Variants in NOMO1 observed in about 807,000 individuals in gnomAD.
The protein encoded by NOMO1 is NODAL modulator 1.
NOMO1 carries 40 observed loss-of-function variants against 133.8 expected under a neutral mutation model. The observed-to-expected ratio is 0.30, with a 90% CI of 0.23 to 0.39. The LOEUF (loss-of-function observed/expected upper bound fraction) is 0.39, where lower values mean the gene tolerates loss of function less well. Among genes scored for constraint, NOMO1 ranks in the 10% least tolerant of loss-of-function variants. The pLI, the probability that NOMO1 is intolerant of heterozygous loss-of-function variation, is 1.00. For missense variants in NOMO1, 462 were observed against 1,419.9 expected (o/e 0.33, Z 10.84); for synonymous variants, 236 against 570.5 (o/e 0.41, Z 8.36).
At chr16:14,895,117 TGGC>T (rs777473464) in intron 30 of NOMO1, 27 bp downstream of exon 30, 2 of 1,583,300 alleles carry the variant, frequency 1.3e-6, no homozygotes, top group African/African-American at 2.8e-5. Context: ...CCTCAGGAGA[TGGC>T]GGGCATGTCA....
intron 18 of NOMO1, among the ~76,000 whole-genome samples, chr16:14,874,795 G>T (rs537742710): frequency 6.6e-6 from 1 of 151,844 alleles, no homozygotes; most frequent in Non-Finnish European, 1.5e-5. Context: ...ATATCCAGTC[G>T]CCATAAAATC....
At chr16:14,836,830 C>T (rs576735638) in intron 1 of NOMO1, among the ~76,000 whole-genome samples, 3 of 150,938 alleles carry the variant, frequency 2.0e-5, no homozygotes, top group Middle Eastern at 3.4e-3. Context: ...CTCAGCCTCC[C>T]GAGTAGCTGG....
chr16:14,873,296 C>A (rs1335477142), intron 18 of NOMO1, among the ~76,000 whole-genome samples: 3 of 127,328 alleles, frequency 2.4e-5, no homozygotes, highest in Non-Finnish European at 5.5e-5. Flanking sequence ...TGACATTTTT[C>A]TTCCTGAAAG....
intron 18 of NOMO1, 69 bp from the exon 19 acceptor site, chr16:14,874,967 G>C: frequency 6.2e-7 from 1 of 1,606,594 alleles, no homozygotes. Context: ...GTCCATACTC[G>C]TAGAAAGGTC....
At position 14,884,389 on chromosome 16, in the gene NOMO1, C is replaced by T. The variant is rs749375913; in HGVS notation, c.3129C>T (p.Ile1043=). Residue 1043 remains isoleucine, a synonymous_variant, in exon 27 of 31, where the codon ATC becomes ATT. Coordinates refer to ENST00000287667, the MANE Select transcript of NOMO1 (RefSeq NM_014287.4). The part of the protein sequence containing the change: ...HRVIEVGNND[I]DDVNIIVFRQ... The stretch of plus-strand genomic sequence containing the variant: ...CTCTCTAGGTTGGGAATAATGACAT[C>T]GATGATGTAAACATCATAGTTTTCC... The T allele has an allele frequency of 3.9e-5, 62 of 1,608,254 alleles. 3 individuals carry two copies. The South Asian group carries it at 6.6e-4, about 17-fold the overall frequency.
In NOMO1 at chr16:14,875,108, G is replaced by A; in HGVS notation, c.2127G>A (p.Gln709=). The A allele has an allele frequency of 6.2e-7, 1 of 1,613,844 alleles. No homozygotes were observed. Among genetic ancestry groups the A allele is most frequent in the Non-Finnish European group, 8.5e-7 (1 of 1,179,840 alleles). Residue 709 remains glutamine, a synonymous_variant, in exon 19 of 31, where the codon CAG becomes CAA. Coordinates refer to ENST00000287667, the MANE Select transcript of NOMO1 (RefSeq NM_014287.4). The part of the protein sequence containing the change: ...LKSVQELRRE[Q]QLAEIEARRQ... ...CTGTGCAGGAGCTGCGGAGGGAGCA[G>A]CAGCTGGCTGAGATCGAGGCCCGCA...
chr16:14,853,499 T>G lies in NOMO1; in HGVS notation c.768T>G (p.Pro256=), dbSNP rs1318283733. The G allele has an allele frequency of 6.3e-7, 1 of 1,595,494 alleles. No homozygotes were observed. The highest frequency in any genetic ancestry group is 1.7e-5 in the Admixed American group (1 of 58,154). ...TGGGCTGCAATGTCTCACCAGTGCC[T>G]GGGTTCCAGCCCCAAGACGAGAGTC... The part of the protein sequence containing the change: ...DVLGCNVSPV[P]GFQPQDESLV... Residue 256 remains proline (P), a synonymous_variant, in exon 8 of 31, where the codon CCT becomes CCG. Transcript: ENST00000287667.
In NOMO1 at chr16:14,885,827, T is replaced by G. The variant is rs569893692; in HGVS notation, c.3223-934T>G. ...CCAGTTTTCCGGAGAAGCTGGAAAT[T>G]AGAATTATTTGAAATCACCTGATTT... On this transcript the variant is annotated intron_variant, in intron 27 of 30. Transcript: ENST00000287667. 3.1e-3 allele frequency among the ~76,000 whole-genome samples: 470 copies of G among 151,948 alleles called. 1 individual carries two copies. Among genetic ancestry groups the G allele is most frequent in the African/African-American group, 0.011 (440 of 41,340 alleles).
intron 28 of NOMO1, among the ~76,000 whole-genome samples, chr16:14,887,297 C>CTT (rs926466954): frequency 6.8e-6 from 1 of 146,034 alleles, no homozygotes. Context: ...TCAAATCTTT[C>CTT]TTTTTTTTTT....
At chr16:14,837,077 G>T (rs1332422071) in intron 1 of NOMO1, among the ~76,000 whole-genome samples, 1 of 151,738 alleles carries the variant, frequency 6.6e-6, no homozygotes, top group African/African-American at 2.4e-5. Context: ...GAGTATAGTG[G>T]CACCATCATA....
At chr16:14,858,542 C>T (rs1048340937) in intron 11 of NOMO1, among the ~76,000 whole-genome samples, 10 of 151,624 alleles carry the variant, frequency 6.6e-5, no homozygotes, top group African/African-American at 1.2e-4. Flanking sequence ...TTGGGAGAAG[C>T]GCGGCATGAG....
At chr16:14,876,557 G>A (rs372452504) in intron 21 of NOMO1, 39 bp downstream of exon 21, 10 of 1,611,438 alleles carry the variant, frequency 6.2e-6, no homozygotes, top group Admixed American at 1.7e-5. Context: ...TGGGATCAGC[G>A]TGGGAGTCCT....
At chr16:14,882,556 C>G (rs1597113533) in intron 25 of NOMO1, 38 bp from the exon 26 acceptor site, 1 of 1,611,282 alleles carries the variant, frequency 6.2e-7, no homozygotes, top group Non-Finnish European at 8.5e-7. Context: ...TACGACAAGC[C>G]CCCTTTCTAG....
At chr16:14,879,115 C>T (rs1354915407) in intron 23 of NOMO1, among the ~76,000 whole-genome samples, 42 of 151,938 alleles carry the variant, frequency 2.8e-4, no homozygotes, top group African/African-American at 8.7e-4. Context: ...CTCTCTTAGG[C>T]ATCTTCTCGT....
chr16:14,865,252 C>G, intron 14 of NOMO1, 97 bp downstream of exon 14: 1 of 621,784 alleles, frequency 1.6e-6, no homozygotes, highest in Non-Finnish European at 2.9e-6. Flanking sequence ...CGACCATGTA[C>G]CTTTCCTTGT....
At chr16:14,891,368 T>C (rs1964402901) in intron 29 of NOMO1, among the ~76,000 whole-genome samples, 4 of 151,550 alleles carry the variant, frequency 2.6e-5, no homozygotes, top group African/African-American at 7.3e-5. Context: ...TAATGTTTGT[T>C]GTACATATTT....
intron 9 of NOMO1, among the ~76,000 whole-genome samples, chr16:14,855,355 G>T (rs1196679154): frequency 6.6e-6 from 1 of 150,804 alleles, no homozygotes; most frequent in African/African-American, 2.5e-5. Flanking sequence ...GTAGAAAATG[G>T]TTACTGTAGA....
rs765313344 is a variant in NOMO1, at chr16:14,876,352, C to G, written c.2357-7C>G. The stretch of plus-strand genomic sequence containing the variant: ...CCCATCCTTGTGTTTATTTCTTCCC[C>G]TCTTAGAAAGCTGCCCAGGGAAGCT... On this transcript the variant is annotated splice_polypyrimidine_tract_variant and splice_region_variant and intron_variant, in intron 20 of 30. Coordinates refer to ENST00000287667, the MANE Select transcript of NOMO1 (RefSeq NM_014287.4). 4.3e-6 allele frequency: 7 copies of G among 1,610,830 alleles called. No individual in the cohort carries two copies. Among genetic ancestry groups the G allele is most frequent in the Admixed American group, 3.3e-5 (2 of 59,874 alleles).
At chr16:14,884,305 G>A (rs550197798) in intron 26 of NOMO1, 67 bp from the exon 27 acceptor site, 30 of 1,392,496 alleles carry the variant, frequency 2.2e-5, no homozygotes, top group African/African-American at 1.3e-4. Flanking sequence ...TCAGGCCATC[G>A]GACAGCTGGC....
Sources: allele counts gnomAD v4.1 joint callset (sites outside exome capture counted in the v4.1 genomes callset), GRCh38; gene constraint gnomAD v4.1.1; transcripts MANE v1.5; gene names NCBI Gene and HGNC (gene_info 2026-07-23, HGNC 2026-07-21).